LTBP1: variants seen among roughly 807,000 people sequenced by gnomAD.
The protein encoded by LTBP1 is latent-transforming growth factor beta-binding protein 1.
LTBP1 carries 129 observed loss-of-function variants against 207.6 expected under a neutral mutation model. That is an observed-to-expected ratio of 0.62 (90% CI 0.54 to 0.72). LTBP1 has a LOEUF of 0.72. Ranked by LOEUF, LTBP1 falls within the 30% of genes least tolerant of loss-of-function variation. The pLI is 0.00. For synonymous variants in LTBP1, 963 were observed against 833.7 expected (o/e 1.16, Z -2.67); for missense variants, 2,281 against 2,217.2 (o/e 1.03, Z -0.58).
intron 5 of LTBP1, among the ~76,000 whole-genome samples, chr2:33,163,086 A>G (rs571122482): frequency 8.5e-5 from 13 of 152,290 alleles, no homozygotes; most frequent in East Asian, 1.9e-4. Flanking sequence ...GGCTCGAGCA[A>G]TCCTCCCACG....
intron 3 of LTBP1, among the ~76,000 whole-genome samples, chr2:33,109,615 T>A (rs1191710503): frequency 2.0e-5 from 3 of 152,174 alleles, no homozygotes; most frequent in African/African-American, 7.2e-5. Context: ...TGTTCAGAAG[T>A]TCCCAGAAGT....
At chr2:33,225,633 C>T (rs924286151) in intron 9 of LTBP1, among the ~76,000 whole-genome samples, 15 of 152,190 alleles carry the variant, frequency 9.9e-5, no homozygotes, top group Non-Finnish European at 1.9e-4. Flanking sequence ...GTCCCTCCCA[C>T]GACATGTGGG....
chr2:33,309,765 T>G (rs2094153915), intron 23 of LTBP1, among the ~76,000 whole-genome samples: 1 of 152,142 alleles, frequency 6.6e-6, no homozygotes, highest in Non-Finnish European at 1.5e-5. Flanking sequence ...CTCACACGAG[T>G]AAGAGCTGTG....
At chr2:33,037,484 T>A (rs1449843477) in intron 3 of LTBP1, among the ~76,000 whole-genome samples, 2 of 152,236 alleles carry the variant, frequency 1.3e-5, no homozygotes, top group African/African-American at 4.8e-5. Context: ...TCTTTTCAAA[T>A]TTCCTTAGTG....
Position 33,166,214 on chromosome 2 carries a change from A to C in LTBP1, c.1202-20642A>C, listed in dbSNP as rs552552858. On this transcript the variant is annotated intron_variant, in intron 5 of 33. Coordinates refer to ENST00000404816, the MANE Select transcript of LTBP1 (RefSeq NM_206943.4). ...TATTTCATTATATATCGGTTAAAAA[A>C]GTACATATAAAATGTATGGTACATT... 2.0e-5 allele frequency among the ~76,000 whole-genome samples: 3 copies of C among 152,318 alleles called. No homozygotes were observed. The South Asian group carries it at 6.2e-4, about 32-fold the overall frequency.
Position 33,310,994 on chromosome 2 carries a change from G to C in LTBP1, c.3604+1438G>C, listed in dbSNP as rs17038526. Among the ~76,000 whole-genome samples, 911 of 152,120 alleles carry C rather than the reference G, an allele frequency of 6.0e-3. 7 individuals carry two copies. The highest frequency in any genetic ancestry group is 0.021 in the African/African-American group (882 of 41,506). The stretch of plus-strand genomic sequence containing the variant: ...CATAAATAAATAAAAAAAATTGTTG[G>C]AGTTACTTTTTACCCACTATTACTG... On this transcript the variant is annotated intron_variant, in intron 23 of 33. Transcript: ENST00000404816.
intron 32 of LTBP1, among the ~76,000 whole-genome samples, chr2:33,393,302 T>A (rs2095331969): frequency 6.7e-6 from 1 of 149,296 alleles, no homozygotes; most frequent in African/African-American, 2.5e-5. Flanking sequence ...TTAAATTTTT[T>A]AAATTATACT....
intron 11 of LTBP1, among the ~76,000 whole-genome samples, chr2:33,254,012 C>A (rs1396214109): frequency 6.6e-6 from 1 of 151,122 alleles, no homozygotes; most frequent in Non-Finnish European, 1.5e-5. Flanking sequence ...GCCTCAGCCT[C>A]CCAAGTAGCT....
At chr2:32,951,484 C>T (rs1413355907) in intron 2 of LTBP1, among the ~76,000 whole-genome samples, 2 of 152,298 alleles carry the variant, frequency 1.3e-5, no homozygotes, top group Admixed American at 6.5e-5. Context: ...GATGGGACCA[C>T]TGGGGCTCCT....
At chr2:33,078,862 C>CTTTTTTTTTTTTTTTTTTTTTTT (rs34843933) in intron 3 of LTBP1, among the ~76,000 whole-genome samples, 3 of 106,886 alleles carry the variant, frequency 2.8e-5, no homozygotes, top group African/African-American at 9.7e-5. Flanking sequence ...CTTTTCTTTT[C>CTTTTTTTTTTTTTTTTTTTTTTT]TTTTTTTTTT....
At chr2:33,332,679 C>T (rs1448326060) in intron 24 of LTBP1, among the ~76,000 whole-genome samples, 2 of 151,988 alleles carry the variant, frequency 1.3e-5, no homozygotes, top group African/African-American at 4.8e-5. Flanking sequence ...GCCTCAGCCT[C>T]CCAAGTAGCT....
intron 5 of LTBP1, among the ~76,000 whole-genome samples, chr2:33,168,743 T>A (rs2085157290): frequency 6.6e-6 from 1 of 152,138 alleles, no homozygotes; most frequent in Non-Finnish European, 1.5e-5. Flanking sequence ...AGTTGAGGTA[T>A]CTAGAAAGAT....
In LTBP1 at chr2:33,252,451, C is replaced by T. The variant is rs903798154; in HGVS notation, c.2000-226C>T. 2.0e-5 allele frequency among the ~76,000 whole-genome samples: 3 copies of T among 152,146 alleles called. 1 individual carries two copies. In the South Asian group the frequency reaches 6.2e-4, roughly 32 times the overall value. ...ATGCTTGCTAAAATGGAAGAAGAGA[C>T]CAGAGAGGGACAGGGACAATCACTG... On this transcript the variant is annotated intron_variant, in intron 10 of 33. Transcript: ENST00000404816.
chr2:33,389,148 A>G, intron 31 of LTBP1, 36 bp from the exon 32 acceptor site: 4 of 1,613,298 alleles, frequency 2.5e-6, no homozygotes, highest in Non-Finnish European at 3.4e-6. Context: ...GCGAGCTAAC[A>G]GTGGTGGGGC....
intron 5 of LTBP1, among the ~76,000 whole-genome samples, chr2:33,158,191 T>TA (rs1457053914): frequency 5.6e-5 from 8 of 143,424 alleles, no homozygotes; most frequent in Non-Finnish European, 1.2e-4. Context: ...TATATATGCA[T>TA]AAAACAGAGT....
At position 33,109,482 on chromosome 2, in the gene LTBP1, C is replaced by T. The variant is rs181344735; in HGVS notation, c.864-1100C>T. Among the ~76,000 whole-genome samples, 18 of 152,276 alleles carry T rather than the reference C, an allele frequency of 1.2e-4. No individual in the cohort carries two copies. The East Asian group carries it at 3.5e-3, about 29-fold the overall frequency. The stretch of plus-strand genomic sequence containing the variant: ...TATATCTTCTTTATATTTTTCATTC[C>T]TCTTCCTCAGGGAATAACTGAATCT... On this transcript the variant is annotated intron_variant, in intron 3 of 33. Coordinates refer to ENST00000404816, the MANE Select transcript of LTBP1 (RefSeq NM_206943.4).
At chr2:33,358,781 T>C (rs932248552) in intron 26 of LTBP1, among the ~76,000 whole-genome samples, 1 of 152,210 alleles carries the variant, frequency 6.6e-6, no homozygotes. Flanking sequence ...TGACAATTTA[T>C]TCACCATGTT....
At chr2:33,240,224 C>T (rs1322849157) in intron 9 of LTBP1, among the ~76,000 whole-genome samples, 1 of 152,148 alleles carries the variant, frequency 6.6e-6, no homozygotes. Flanking sequence ...ACGTTCCATA[C>T]AGTTTTTAAG....
chr2:33,250,666 G>A (rs1164299331), intron 10 of LTBP1, among the ~76,000 whole-genome samples: 1 of 152,142 alleles, frequency 6.6e-6, no homozygotes, highest in Non-Finnish European at 1.5e-5. Flanking sequence ...CTTAACATAG[G>A]GAGCTGCCTA....
Sources: allele counts gnomAD v4.1 joint callset (sites outside exome capture counted in the v4.1 genomes callset), GRCh38; gene constraint gnomAD v4.1.1; transcripts MANE v1.5; gene names NCBI Gene and HGNC (gene_info 2026-07-23, HGNC 2026-07-21).